The following CENPE variants were observed in gnomAD, a reference collection of about 807,000 sequenced individuals.
CENPE encodes centromere-associated protein E.
A neutral mutation model predicts 336.1 loss-of-function variants in CENPE; 145 were observed. The observed-to-expected ratio is 0.43, with a 90% CI of 0.38 to 0.50. The LOEUF (loss-of-function observed/expected upper bound fraction) is 0.50, where lower values mean the gene tolerates loss of function less well. Ranked by LOEUF, CENPE falls within the 20% of genes least tolerant of loss-of-function variation. CENPE has a pLI of 0.00. For missense variants in CENPE, 2,719 were observed against 3,023.3 expected (o/e 0.90, Z 2.36); for synonymous variants, 1,013 against 984.8 (o/e 1.03, Z -0.54).
intron 8 of CENPE, among the ~76,000 whole-genome samples, chr4:103,190,967 A>G (rs1324517611): frequency 6.6e-6 from 1 of 151,778 alleles, no homozygotes; most frequent in East Asian, 1.9e-4. Context: ...ACAAACAACC[A>G]CATCGACAAG....
intron 32 of CENPE, 31 bp from the exon 33 acceptor site, chr4:103,144,649 A>T: frequency 1.3e-6 from 2 of 1,488,020 alleles, no homozygotes; most frequent in Non-Finnish European, 1.8e-6. Context: ...GTTACAACAT[A>T]GGCAGAATTT....
intron 8 of CENPE, among the ~76,000 whole-genome samples, chr4:103,193,223 A>C (rs1036217216): frequency 1.1e-4 from 17 of 152,110 alleles, no homozygotes; most frequent in African/African-American, 4.1e-4. Context: ...AAATTATTAA[A>C]AGTTAAAATT....
Position 103,106,326 on chromosome 4 carries a change from A to C in CENPE, c.8012-10T>G. The C allele has an allele frequency of 6.3e-7, 1 of 1,583,140 alleles. No individual in the cohort carries two copies. Among genetic ancestry groups the C allele is most frequent in the South Asian group, 1.2e-5 (1 of 85,398 alleles). The stretch of plus-strand genomic sequence containing the variant: ...CCTGCATTTTGCACCTCTGAGAAAG[A>C]AAATGAAAACAACATTCATCCTATT... On this transcript the variant is annotated splice_polypyrimidine_tract_variant and intron_variant, in intron 48 of 48. Transcript: ENST00000265148.
chr4:103,175,818 T>C (rs1755805756), intron 15 of CENPE, 142 bp downstream of exon 15: 5 of 503,008 alleles, frequency 9.9e-6, no homozygotes, highest in South Asian at 3.4e-5. Flanking sequence ...CTGATGGTTA[T>C]AGAGTAGAAA....
intron 38 of CENPE, 145 bp downstream of exon 38, chr4:103,139,644 T>C (rs1752368271): frequency 3.1e-6 from 2 of 637,776 alleles, no homozygotes; most frequent in Non-Finnish European, 4.9e-6. Flanking sequence ...TGTTTTCTAT[T>C]GTGTAAAAAT....
chr4:103,177,247 CT>C (rs1354565733), intron 13 of CENPE, among the ~76,000 whole-genome samples: 2 of 151,906 alleles, frequency 1.3e-5, no homozygotes, highest in African/African-American at 2.4e-5. Context: ...CTACCATTTT[CT>C]TTTTTTCCTA....
At chr4:103,166,418 A>G (rs1255634971) in intron 16 of CENPE, among the ~76,000 whole-genome samples, 1 of 152,218 alleles carries the variant, frequency 6.6e-6, no homozygotes, top group African/African-American at 2.4e-5. Context: ...TTTATTGATT[A>G]AAGTCCAATG....
intron 15 of CENPE, 21 bp downstream of exon 15, chr4:103,175,939 C>T (rs376872296): frequency 6.6e-5 from 93 of 1,406,436 alleles, no homozygotes; most frequent in Non-Finnish European, 8.8e-5. Flanking sequence ...GCATTATATG[C>T]TGTAAAATAC....
chr4:103,152,593 A>C (rs762253597), intron 25 of CENPE, among the ~76,000 whole-genome samples: 1 of 152,230 alleles, frequency 6.6e-6, no homozygotes, highest in Non-Finnish European at 1.5e-5. Context: ...TTTATTCAAA[A>C]TAGCCAAATA....
Position 103,196,255 on chromosome 4 carries a change from A to AAACAAC in CENPE, c.149-9_149-4dup, listed in dbSNP as rs3217729. ...TTCATTACCATGAAAGACACGATCT[A>AAACAAC]AACAACAACAACAACAACAACAACA... On this transcript the variant is annotated splice_region_variant and splice_polypyrimidine_tract_variant and intron_variant, in intron 2 of 48. Coordinates refer to ENST00000265148, the MANE Select transcript of CENPE (RefSeq NM_001813.3). The AAACAAC allele has an allele frequency of 1.2e-5, 19 of 1,578,564 alleles. No individual in the cohort carries two copies. The highest frequency in any genetic ancestry group is 9.7e-5 in the African/African-American group (7 of 72,176).
intron 24 of CENPE, among the ~76,000 whole-genome samples, 162 bp downstream of exon 24, chr4:103,158,135 TATC>T (rs1754113479): frequency 6.6e-6 from 1 of 151,948 alleles, no homozygotes. Flanking sequence ...AAACATATTC[TATC>T]ATAAGTTATT....
chr4:103,106,406 G>C, intron 48 of CENPE, 90 bp from the exon 49 acceptor site: 1 of 912,996 alleles, frequency 1.1e-6, no homozygotes, highest in Non-Finnish European at 1.6e-6. Context: ...GTTAAGACAG[G>C]AGAGATGTGA....
intron 16 of CENPE, among the ~76,000 whole-genome samples, chr4:103,170,359 G>A (rs995264960): frequency 6.6e-6 from 1 of 152,108 alleles, no homozygotes; most frequent in Non-Finnish European, 1.5e-5. Flanking sequence ...AAGTACTGAA[G>A]GAAAACAGTT....
In CENPE at chr4:103,120,328, A is replaced by C. The variant is rs1750509818; in HGVS notation, c.7149T>G (p.Ile2383Met). Residue 2383 changes from isoleucine to methionine, a missense_variant, in exon 44 of 49, where the codon ATT (isoleucine) becomes ATG (methionine). Ile to Met is a conservative substitution (Grantham distance 10). Around this residue, in one of 5 missense-constraint regions of CENPE, gnomAD observed 2,437 missense variants for 2,513.3 expected, o/e 0.97. Coordinates refer to ENST00000265148, the MANE Select transcript of CENPE (RefSeq NM_001813.3). ...CATGCAGTGAATTTTCCAGCTCTCGAATTTTCTATTAGAAAAAGCACACAT... is the reference window on the plus strand; with the variant it reads ...CATGCAGTGAATTTTCCAGCTCTCGCATTTTCTATTAGAAAAAGCACACAT... ...SRATQLTTEKIRELENSLHEA... is the reference protein window; with the variant it reads ...SRATQLTTEKMRELENSLHEA... The C allele has an allele frequency of 6.2e-7, 1 of 1,605,618 alleles. No homozygotes were observed. Among genetic ancestry groups the C allele is most frequent in the Non-Finnish European group, 8.5e-7 (1 of 1,177,948 alleles).
intron 10 of CENPE, 42 bp downstream of exon 10, chr4:103,183,159 A>T (rs1294924980): frequency 1.4e-6 from 2 of 1,425,920 alleles, no homozygotes; most frequent in Admixed American, 1.8e-5. Flanking sequence ...CTAATGAAAA[A>T]TATAAGAATC....
chr4:103,158,439 T>C lies in CENPE; in HGVS notation c.2894A>G (p.Gln965Arg). 1 of 1,583,944 alleles carries C rather than the reference T, an allele frequency of 6.3e-7. No individual in the cohort carries two copies. Among genetic ancestry groups the C allele is most frequent in the Non-Finnish European group, 8.6e-7 (1 of 1,167,352 alleles). ...CAGAGACTCAAGAGCATTTCGTAAT[T>C]GTTCTTGAGTATCTATATTCTTTGT... The part of the protein sequence containing the change: ...TVNMNIDTQE[Q>R]LRNALESLKQ... The change falls in exon 24 of 49, where the codon CAA becomes CGA. Residue 965 changes from glutamine (Q) to arginine (R), a missense_variant. By Grantham distance (43) the Gln-to-Arg change is conservative (BLOSUM62 1). Around this residue, in one of 5 missense-constraint regions of CENPE, gnomAD observed 2,437 missense variants for 2,513.3 expected, o/e 0.97. Coordinates refer to ENST00000265148, the MANE Select transcript of CENPE (RefSeq NM_001813.3).
intron 25 of CENPE, among the ~76,000 whole-genome samples, chr4:103,152,143 A>G (rs1273633085): frequency 6.6e-6 from 1 of 152,152 alleles, no homozygotes; most frequent in African/African-American, 2.4e-5. Flanking sequence ...CAGCAAAAAA[A>G]AAGAGAAACA....
chr4:103,159,302 A>C lies in CENPE; in HGVS notation c.2309T>G (p.Leu770Arg), dbSNP rs1274326572. The C allele has an allele frequency of 2.0e-6, 3 of 1,528,566 alleles. No individual in the cohort carries two copies. Among genetic ancestry groups the C allele is most frequent in the Non-Finnish European group, 2.6e-6 (3 of 1,138,410 alleles). The allele number at this position is 1,528,566 out of a possible 1,614,324, so 94.7% of individuals were successfully genotyped here. The change falls in exon 22 of 49, where the codon CTC (leucine) becomes CGC (arginine). Residue 770 changes from leucine (L) to arginine (R), a missense_variant. Coordinates refer to ENST00000265148, the MANE Select transcript of CENPE (RefSeq NM_001813.3). ...RKEIQDKSEE[L>R]HIITSEKDKL... ...ATCTTTTTCTGATGTTATTATATGG[A>C]GCTCTTCAGATTTGTCTTGTATCTA...
intron 4 of CENPE, 63 bp downstream of exon 4, chr4:103,195,857 G>A: frequency 1.1e-6 from 1 of 933,230 alleles, no homozygotes; most frequent in Non-Finnish European, 1.8e-6. Flanking sequence ...AATACACTAA[G>A]ACTGGTACCC....
Sources: allele counts gnomAD v4.1 joint callset (sites outside exome capture counted in the v4.1 genomes callset), GRCh38; gene constraint gnomAD v4.1.1; regional missense constraint gnomAD v4.1.1; transcripts MANE v1.5; gene names NCBI Gene and HGNC (gene_info 2026-07-23, HGNC 2026-07-21).